The following TRIM55 variants were observed in gnomAD, a reference collection of about 807,000 sequenced individuals.
TRIM55 encodes the protein tripartite motif containing 55, also known as tripartite motif-containing protein 55.
A neutral mutation model predicts 60.9 loss-of-function variants in TRIM55; 50 were observed. That is an observed-to-expected ratio of 0.82 (90% CI 0.65 to 1.04). The LOEUF (loss-of-function observed/expected upper bound fraction) is 1.04. Among genes scored for constraint, TRIM55 ranks in the 50% least tolerant of loss-of-function variants. TRIM55 has a pLI of 0.00. For synonymous variants in TRIM55, 237 were observed against 238.1 expected, an observed-to-expected ratio of 1.00 and a Z score of 0.04; for missense variants, 681 against 666.9, an observed-to-expected ratio of 1.02 and a Z score of -0.23.
chr8:66,174,517 C>T lies in TRIM55; in HGVS notation c.1571C>T (p.Ala524Val), dbSNP rs763191591. The change falls in exon 10 of 10, where the codon GCG (alanine) becomes GTG (valine). Residue 524 changes from alanine (A) to valine (V), a missense_variant. Ala to Val is a moderately conservative substitution (Grantham distance 64, BLOSUM62 0). Coordinates refer to ENST00000315962, the MANE Select transcript of TRIM55 (RefSeq NM_184085.2). ...CTCCAGGGACAGGCTGCAGCTCCAG[C>T]GAGTGGCAGTGGAGCTGATTCTGAG... Reference protein sequence around the residue: ...PPLQGQAAAPASGSGADSEPA... With the variant: ...PPLQGQAAAPVSGSGADSEPA... 28 of 1,612,022 alleles carry T rather than the reference C, an allele frequency of 1.7e-5. No individual in the cohort carries two copies. Among genetic ancestry groups the T allele is most frequent in the Middle Eastern group, 3.3e-4 (2 of 6,078 alleles).
In TRIM55 at chr8:66,152,740, T is replaced by G. The variant is rs984681420; in HGVS notation, c.1236+113T>G. 2.9e-6 allele frequency: 4 copies of G among 1,381,420 alleles called. No homozygotes were observed. The African/African-American group carries it at 5.8e-5, about 20-fold the overall frequency. 85.6% of individuals were successfully genotyped at this position (1,381,420 alleles called of 1,614,324 possible). ...GAAAAAGATAACTATATGCCAGACA[T>G]TCGTATATGGTAGACGAAAGATTTC... On this transcript the variant is annotated intron_variant, in intron 8 of 9. Coordinates refer to ENST00000315962, the MANE Select transcript of TRIM55 (RefSeq NM_184085.2).
chr8:66,128,359 G>A lies in TRIM55; in HGVS notation c.224G>A (p.Arg75Gln), dbSNP rs758190155. The A allele has an allele frequency of 3.7e-6, 6 of 1,613,412 alleles. No individual in the cohort carries two copies. The highest frequency in any genetic ancestry group is 4.2e-6 in the Non-Finnish European group (5 of 1,179,684). Residue 75 changes from arginine (R) to glutamine (Q), a missense_variant, in exon 2 of 10, where the codon CGA becomes CAA. Physicochemically the swap from Arg to Gln is conservative, Grantham distance 43. Transcript: ENST00000315962. ...RGGTTMASGGRFRCPSCRHEV... is the reference protein window; with the variant it reads ...RGGTTMASGGQFRCPSCRHEV... ...GGTACCACCATGGCATCAGGGGGCC[G>A]ATTCCGCTGCCCATCCTGTAGACAT...
At chr8:66,156,377 A>G (rs1037238209) in intron 9 of TRIM55, among the ~76,000 whole-genome samples, 1 of 152,168 alleles carries the variant, frequency 6.6e-6, no homozygotes, top group Admixed American at 6.5e-5. Flanking sequence ...CTTACCAGCT[A>G]TCAGGAATTA....
intron 2 of TRIM55, among the ~76,000 whole-genome samples, chr8:66,132,408 T>C (rs1172987802): frequency 2.0e-5 from 3 of 152,162 alleles, no homozygotes; most frequent in Admixed American, 2.0e-4. Context: ...GAGCTGAGAT[T>C]GAGCCATTGC....
Position 66,137,063 on chromosome 8 carries a change from A to C in TRIM55, c.508-32A>C, listed in dbSNP as rs73249949. ...CAGTCGGGGTGGCTAGGAAACCCCTAAGATATTGGGTTCATGTTTTCTCTT... is the reference window on the plus strand; with the variant it reads ...CAGTCGGGGTGGCTAGGAAACCCCTCAGATATTGGGTTCATGTTTTCTCTT... On this transcript the variant is annotated intron_variant, in intron 3 of 9. Transcript: ENST00000315962. The C allele has an allele frequency of 6.4e-3, 10,117 of 1,586,770 alleles. 336 individuals are homozygous for C. The African/African-American group carries it at 0.086, about 13-fold the overall frequency.
intron 4 of TRIM55, among the ~76,000 whole-genome samples, chr8:66,142,141 C>T (rs1258629620): frequency 1.3e-5 from 2 of 152,158 alleles, no homozygotes; most frequent in Non-Finnish European, 2.9e-5. Flanking sequence ...GAGGTACATT[C>T]CAGGGGCTTG....
intron 2 of TRIM55, among the ~76,000 whole-genome samples, chr8:66,129,038 G>A (rs540224499): frequency 6.6e-6 from 1 of 152,042 alleles, no homozygotes. Flanking sequence ...GGCCTTTAGG[G>A]ACTTAAACTT....
chr8:66,127,338 C>T lies in TRIM55; in HGVS notation c.70C>T (p.Leu24Phe), dbSNP rs765536840. The T allele has an allele frequency of 6.2e-7, 1 of 1,614,174 alleles. No individual in the cohort carries two copies. Among genetic ancestry groups the T allele is most frequent in the Non-Finnish European group, 8.5e-7 (1 of 1,180,022 alleles). ...GACCATGGATAACTTAGAGAAGCAA[C>T]TCATCTGTCCCATCTGCTTAGAGAT... ...QQTMDNLEKQ[L>F]ICPICLEMFT... Residue 24 changes from leucine (L) to phenylalanine (F), a missense_variant, in exon 1 of 10, where the codon CTC (leucine) becomes TTC (phenylalanine). Coordinates refer to ENST00000315962, the MANE Select transcript of TRIM55 (RefSeq NM_184085.2).
At chr8:66,158,897 T>C (rs191090972) in intron 9 of TRIM55, among the ~76,000 whole-genome samples, 37 of 152,354 alleles carry the variant, frequency 2.4e-4, no homozygotes, top group Admixed American at 1.9e-3. Flanking sequence ...ACAGCCATGA[T>C]GACTCCACTC....
chr8:66,168,377 G>C (rs1811439648), intron 9 of TRIM55, among the ~76,000 whole-genome samples: 1 of 152,224 alleles, frequency 6.6e-6, no homozygotes, highest in Non-Finnish European at 1.5e-5. Context: ...CTATCCAAGA[G>C]CCTGAGGTTC....
chr8:66,114,196 T>C, the TRIM55 span, among the ~76,000 whole-genome samples: 2 of 150,854 alleles, frequency 1.3e-5, no homozygotes, highest in African/African-American at 2.4e-5. Context: ...CGTGGGGGAT[T>C]AGCTCAAATG....
chr8:66,161,046 T>C (rs1409896600), intron 9 of TRIM55, among the ~76,000 whole-genome samples: 1 of 152,138 alleles, frequency 6.6e-6, no homozygotes, highest in Non-Finnish European at 1.5e-5. Flanking sequence ...CTATTTGTCT[T>C]TGTTTTTGTT....
rs529276902 is a variant in TRIM55, at chr8:66,149,222, T to C, written c.604-423T>C. On this transcript the variant is annotated intron_variant, in intron 4 of 9. Transcript: ENST00000315962. ...GAAACTAGGACAATATTGGTATAGG[T>C]GGAGCAGAGACTTTAAGGTACAAAC... Among the ~76,000 whole-genome samples the C allele has an allele frequency of 2.2e-4, 33 of 152,260 alleles. 1 individual carries two copies. In the South Asian group the frequency reaches 5.6e-3, roughly 26 times the overall value.
At chr8:66,134,285 C>T (rs1809347143) in intron 2 of TRIM55, among the ~76,000 whole-genome samples, 1 of 152,204 alleles carries the variant, frequency 6.6e-6, no homozygotes, top group Non-Finnish European at 1.5e-5. Flanking sequence ...TTAGCAGCCT[C>T]AGTCATTAGA....
At chr8:66,123,987 C>T (rs1808727451), upstream of TRIM55, among the ~76,000 whole-genome samples, 1 of 152,060 alleles carries the variant, frequency 6.6e-6, no homozygotes, top group African/African-American at 2.4e-5. Context: ...TCCAAGACCA[C>T]AAAGGGAGGT....
upstream of TRIM55, among the ~76,000 whole-genome samples, chr8:66,123,154 G>C (rs1808696518): frequency 6.6e-6 from 1 of 152,156 alleles, no homozygotes; most frequent in South Asian, 2.1e-4. Flanking sequence ...CAGGTCCTTA[G>C]ATAATATCTT....
chr8:66,127,958 A>T (rs2128972228), intron 1 of TRIM55, among the ~76,000 whole-genome samples: 1 of 152,354 alleles, frequency 6.6e-6, no homozygotes, highest in Admixed American at 6.5e-5. Context: ...TTATTTTAAT[A>T]CTAAGAATCA....
rs572384119 is a variant in TRIM55 at position 66,152,274 on chromosome 8, TC to T, written c.986-99del. The T allele has an allele frequency of 7.0e-4, 1,014 of 1,446,610 alleles. 11 individuals are homozygous for T. In the African/African-American group the frequency reaches 0.014, roughly 19 times the overall value. The allele number at this position is 1,446,610 out of a possible 1,614,324, so 89.6% of individuals were successfully genotyped here. A position where few individuals can be genotyped will look rare whatever the true frequency, so the allele number is the denominator to read the frequency against. Reference sequence around the variant, plus strand: ...TGTCAAGTGTCTGTCAGAGAAAAACTCCCCAGCCTTGACCTTAACTAGGGCT... The same window carrying T: ...TGTCAAGTGTCTGTCAGAGAAAAACTCCCAGCCTTGACCTTAACTAGGGCT... On this transcript the variant is annotated intron_variant, in intron 7 of 9. Coordinates refer to ENST00000315962, the MANE Select transcript of TRIM55 (RefSeq NM_184085.2).
chr8:66,124,151 C>G (rs982011306), upstream of TRIM55, among the ~76,000 whole-genome samples: 7 of 152,168 alleles, frequency 4.6e-5, no homozygotes, highest in Admixed American at 1.3e-4. Flanking sequence ...TCCTTCCCCA[C>G]TGCCATGACC....
Sources: gnomAD v4.1 joint callset for allele counts (sites outside exome capture counted in the v4.1 genomes callset) on GRCh38, gnomAD v4.1.1 for gene constraint, MANE v1.5 for transcripts, NCBI Gene and HGNC (gene_info 2026-07-23, HGNC 2026-07-21) for gene names.